SNX27: variants seen among roughly 807,000 people sequenced by gnomAD.
SNX27 encodes the protein sorting nexin 27, also known as sorting nexin-27.
In SNX27, 22 loss-of-function variants were observed where a neutral mutation model predicts 71.6. That is an observed-to-expected ratio of 0.31 (90% CI 0.22 to 0.44). The LOEUF (loss-of-function observed/expected upper bound fraction) is 0.44, where lower values mean the gene tolerates loss of function less well. Among genes scored for constraint, SNX27 ranks in the 20% least tolerant of loss-of-function variants. SNX27 has a pLI of 1.00. For missense variants in SNX27, 531 were observed against 698.6 expected (o/e 0.76, Z 2.70); for synonymous variants, 269 against 277.2 (o/e 0.97, Z 0.29).
intron 1 of SNX27, among the ~76,000 whole-genome samples, chr1:151,634,444 A>T (rs1668382136): frequency 6.6e-6 from 1 of 152,194 alleles, no homozygotes; most frequent in African/African-American, 2.4e-5. Context: ...TAGTATACAA[A>T]TCCTGACTAG....
At chr1:151,625,689 G>A (rs756482305) in intron 1 of SNX27, among the ~76,000 whole-genome samples, 1 of 151,056 alleles carries the variant, frequency 6.6e-6, no homozygotes, top group Non-Finnish European at 1.5e-5. Flanking sequence ...ACAAAAATTA[G>A]CGGGAGAATC....
intron 1 of SNX27, among the ~76,000 whole-genome samples, chr1:151,634,259 G>A (rs1668374207): frequency 6.6e-6 from 1 of 152,112 alleles, no homozygotes; most frequent in Admixed American, 6.6e-5. Flanking sequence ...CATTTTTAAT[G>A]GGCTGCCTCT....
At chr1:151,649,093 C>T (rs924996472) in intron 2 of SNX27, among the ~76,000 whole-genome samples, 106 of 151,774 alleles carry the variant, frequency 7.0e-4, no homozygotes, top group African/African-American at 2.4e-3. Context: ...TCCCGAGTAG[C>T]TGGGATTATA....
At chr1:151,650,015 G>A (rs1669252115) in intron 2 of SNX27, among the ~76,000 whole-genome samples, 1 of 152,034 alleles carries the variant, frequency 6.6e-6, no homozygotes, top group South Asian at 2.1e-4. Context: ...AGCCTCCCAA[G>A]TAGCTGGGAC....
chr1:151,651,318 G>A (rs1365658915), intron 2 of SNX27, among the ~76,000 whole-genome samples: 3 of 148,002 alleles, frequency 2.0e-5, no homozygotes, highest in Admixed American at 6.7e-5. Context: ...GGCGGCTGGC[G>A]GGGCGGGGGG....
intron 2 of SNX27, among the ~76,000 whole-genome samples, chr1:151,655,667 G>T (rs1669650017): frequency 6.6e-6 from 1 of 152,150 alleles, no homozygotes. Flanking sequence ...ACCGTTCTTA[G>T]CTGCCTGTTG....
chr1:151,626,839 G>A (rs1474306563), intron 1 of SNX27, among the ~76,000 whole-genome samples: 1 of 152,200 alleles, frequency 6.6e-6, no homozygotes, highest in Non-Finnish European at 1.5e-5. Flanking sequence ...GCTGGTCAGT[G>A]GTTACACTAA....
intron 1 of SNX27, chr1:151,629,277 A>G (rs1170344786): frequency 2.6e-5 from 4 of 151,866 alleles, no homozygotes; most frequent in African/African-American, 7.3e-5. Flanking sequence ...TTTGGAAACA[A>G]CCTAAATAAT....
At chr1:151,641,598 GATATATAT>G (rs56886589) in intron 2 of SNX27, among the ~76,000 whole-genome samples, 21,010 of 78,988 alleles carry the variant, frequency 0.27, 2,774 homozygotes, top group Middle Eastern at 0.51. Flanking sequence ...TCCTTTATCA[GATATATAT>G]ATATATATAT....
At position 151,698,224 on chromosome 1, in the gene SNX27, C is replaced by T. The variant is rs1671871625; in HGVS notation, c.*3807C>T. ...GGTTATCCCTTCCTGTAGCTCCAAACCCAGCACTTGGAGCAGCAAAATAGG... is the reference window on the plus strand; with the variant it reads ...GGTTATCCCTTCCTGTAGCTCCAAATCCAGCACTTGGAGCAGCAAAATAGG... On this transcript the variant is annotated 3_prime_UTR_variant, in exon 12 of 12. Transcript: ENST00000458013. 6.6e-6 allele frequency: 1 copy of T among 152,600 alleles called. No homozygotes were observed. The allele number at this position is 152,600 out of a possible 1,614,324, so 9.5% of individuals were successfully genotyped here.
In SNX27 at chr1:151,656,006, G is replaced by A. The variant is rs546957643; in HGVS notation, c.544-2229G>A. Among the ~76,000 whole-genome samples, 5 of 152,114 alleles carry A rather than the reference G, an allele frequency of 3.3e-5. No individual in the cohort carries two copies. In the South Asian group the frequency reaches 8.3e-4, roughly 25 times the overall value. On this transcript the variant is annotated intron_variant, in intron 2 of 11. Transcript: ENST00000458013. ...TGGGAGGCCGAGGCGGGTGGATCAC[G>A]AGCTCAAGAGATCCAGACCATCCTG...
chr1:151,695,235 T>G lies in SNX27; in HGVS notation c.*818T>G, dbSNP rs1671648152. On this transcript the variant is annotated 3_prime_UTR_variant, in exon 12 of 12. Coordinates refer to ENST00000458013, the MANE Select transcript of SNX27 (RefSeq NM_001330723.2). ...TATGGGCTCTTGATTCTGTGACAATTTTTTTGATCCATCTATTTCTCTCAC... is the reference window on the plus strand; with the variant it reads ...TATGGGCTCTTGATTCTGTGACAATGTTTTTGATCCATCTATTTCTCTCAC... 6.6e-6 allele frequency: 1 copy of G among 152,170 alleles called. No individual in the cohort carries two copies. Among genetic ancestry groups the G allele is most frequent in the Admixed American group, 6.6e-5 (1 of 15,228 alleles). 9.4% of individuals were successfully genotyped at this position (152,170 alleles called of 1,614,324 possible). A position where few individuals can be genotyped will look rare whatever the true frequency, so the allele number is the denominator to read the frequency against.
intron 1 of SNX27, among the ~76,000 whole-genome samples, chr1:151,617,876 CTGT>C (rs1191418264): frequency 1.1e-4 from 11 of 103,392 alleles, no homozygotes; most frequent in Admixed American, 3.9e-4. Flanking sequence ...CTTTTTAGAG[CTGT>C]TTTTTTTTTT....
chr1:151,690,334 C>A (rs774322376), intron 8 of SNX27, among the ~76,000 whole-genome samples: 5 of 152,280 alleles, frequency 3.3e-5, no homozygotes, highest in Non-Finnish European at 7.3e-5. Context: ...TTGAAGCTCA[C>A]CCCAGGGATT....
intron 1 of SNX27, among the ~76,000 whole-genome samples, chr1:151,620,131 G>A (rs1667606446): frequency 6.6e-6 from 1 of 152,162 alleles, no homozygotes; most frequent in South Asian, 2.1e-4. Context: ...GCTAGCAAGG[G>A]GCTTAAAGTT....
At chr1:151,630,089 C>T (rs1668150280) in intron 1 of SNX27, among the ~76,000 whole-genome samples, 1 of 148,206 alleles carries the variant, frequency 6.7e-6, no homozygotes, top group Non-Finnish European at 1.5e-5. Flanking sequence ...CCAGCCTGGG[C>T]GACAGAGTGA....
At chr1:151,691,167 C>G (rs2102739543) in intron 8 of SNX27, among the ~76,000 whole-genome samples, 1 of 152,174 alleles carries the variant, frequency 6.6e-6, no homozygotes, top group African/African-American at 2.4e-5. Flanking sequence ...CCTATAGTCC[C>G]AGCTACTCAG....
chr1:151,638,878 T>C lies in SNX27; in HGVS notation c.312-10T>C, dbSNP rs1209821416. The C allele has an allele frequency of 1.2e-6, 2 of 1,613,926 alleles. No individual in the cohort carries two copies. The highest frequency in any genetic ancestry group is 2.7e-5 in the African/African-American group (2 of 74,928). On this transcript the variant is annotated splice_polypyrimidine_tract_variant and intron_variant, in intron 1 of 11. Coordinates refer to ENST00000458013, the MANE Select transcript of SNX27 (RefSeq NM_001330723.2). Reference sequence around the variant, plus strand: ...TTTATGGGATTGTCTTTTTCCCTTTTTCCCCTTAGGAACCACGTGAATGTT... The same window carrying C: ...TTTATGGGATTGTCTTTTTCCCTTTCTCCCCTTAGGAACCACGTGAATGTT...
chr1:151,646,626 A>G (rs180941411), intron 2 of SNX27, among the ~76,000 whole-genome samples: 4 of 148,372 alleles, frequency 2.7e-5, no homozygotes, highest in Non-Finnish European at 5.9e-5. Flanking sequence ...TATATTATAT[A>G]TAGTATAACA....
Sources: allele counts gnomAD v4.1 joint callset (sites outside exome capture counted in the v4.1 genomes callset), GRCh38; gene constraint gnomAD v4.1.1; transcripts MANE v1.5; gene names NCBI Gene and HGNC (gene_info 2026-07-23, HGNC 2026-07-21).